TTC28: variants seen among roughly 807,000 people sequenced by gnomAD.
The protein encoded by TTC28 is tetratricopeptide repeat protein 28.
In TTC28, 61 loss-of-function variants were observed where a neutral mutation model predicts 198.0. The observed-to-expected ratio is 0.31, with a 90% CI of 0.25 to 0.38. The LOEUF (loss-of-function observed/expected upper bound fraction) is 0.38, where lower values mean the gene tolerates loss of function less well. TTC28 is among the 10% of genes least tolerant of loss of function. TTC28 has a pLI of 1.00. For missense variants in TTC28, 2,678 were observed against 3,164.0 expected (o/e 0.85, Z 3.69); for synonymous variants, 1,171 against 1,297.8 (o/e 0.90, Z 2.10).
intron 2 of TTC28, among the ~76,000 whole-genome samples, chr22:28,374,433 TAA>T (rs894511265): frequency 1.1e-4 from 16 of 152,130 alleles, no homozygotes; most frequent in Admixed American, 2.0e-4. Flanking sequence ...TGAAAAAATA[TAA>T]AGTCCATTGT....
chr22:28,194,597 G>T (rs1447894134), intron 5 of TTC28, among the ~76,000 whole-genome samples: 1 of 151,890 alleles, frequency 6.6e-6, no homozygotes, highest in Non-Finnish European at 1.5e-5. Context: ...AATGATAAAG[G>T]GGATATCACC....
At chr22:28,647,467 T>A (rs947885728) in intron 1 of TTC28, among the ~76,000 whole-genome samples, 51 of 151,964 alleles carry the variant, frequency 3.4e-4, no homozygotes, top group African/African-American at 1.2e-3. Context: ...GAAGAAGGTA[T>A]TTGCAAACTA....
At chr22:28,545,800 T>A (rs910165698) in intron 2 of TTC28, among the ~76,000 whole-genome samples, 2 of 151,854 alleles carry the variant, frequency 1.3e-5, no homozygotes, top group Non-Finnish European at 2.9e-5. Flanking sequence ...ATAAGAAAAA[T>A]TACAGAATAT....
chr22:28,677,189 T>C (rs1221017718), intron 1 of TTC28, among the ~76,000 whole-genome samples: 1 of 109,184 alleles, frequency 9.2e-6, no homozygotes. Flanking sequence ...TATATATATA[T>C]ATATATATAT....
In TTC28 at chr22:28,543,389, A is replaced by AGAAGAT. The variant is rs145747661; in HGVS notation, c.381+86157_381+86162dup. On this transcript the variant is annotated intron_variant, in intron 2 of 22. Coordinates refer to ENST00000397906, the MANE Select transcript of TTC28 (RefSeq NM_001145418.2). ...GAAGAGAAAGAATAGGAAGAAGAAA[A>AGAAGAT]GAAGATGAAGATGAAGATGAAGATG... 8.0e-3 allele frequency among the ~76,000 whole-genome samples: 1,211 copies of AGAAGAT among 151,362 alleles called. 15 individuals are homozygous for AGAAGAT. Among genetic ancestry groups the AGAAGAT allele is most frequent in the African/African-American group, 0.025 (1,044 of 41,088 alleles).
chr22:28,214,954 A>T (rs1184627641), intron 5 of TTC28, among the ~76,000 whole-genome samples: 1 of 152,176 alleles, frequency 6.6e-6, no homozygotes, highest in African/African-American at 2.4e-5. Flanking sequence ...ATGCAGCCAT[A>T]AAAAAGGATG....
intron 2 of TTC28, among the ~76,000 whole-genome samples, chr22:28,389,292 TC>T (rs2046673294): frequency 6.6e-6 from 1 of 152,092 alleles, no homozygotes; most frequent in Non-Finnish European, 1.5e-5. Context: ...AGGATATTGG[TC>T]TAAAATTCTC....
In TTC28 at chr22:28,108,390, C is replaced by T; in HGVS notation, c.1455G>A (p.Gln485=). 1 of 1,449,600 alleles carries T rather than the reference C, an allele frequency of 6.9e-7. No homozygotes were observed. The highest frequency in any genetic ancestry group is 9.1e-7 in the Non-Finnish European group (1 of 1,096,464). The allele number at this position is 1,449,600 out of a possible 1,614,324, so 89.8% of individuals were successfully genotyped here. A position where few individuals can be genotyped will look rare whatever the true frequency, so the allele number is the denominator to read the frequency against. The part of the protein sequence containing the change: ...RASSNLGIIH[Q]MKGDYDTALK... ...GTGCAGTGTCATAATCACCTTTCAT[C>T]TGGTGTATGATTCCTGAGAAAGAGA... The change falls in exon 7 of 23, where the codon CAG becomes CAA. Residue 485 remains glutamine (Q), a synonymous_variant. Coordinates refer to ENST00000397906, the MANE Select transcript of TTC28 (RefSeq NM_001145418.2).
At chr22:28,392,222 A>G (rs1305117285) in intron 2 of TTC28, among the ~76,000 whole-genome samples, 6 of 152,114 alleles carry the variant, frequency 3.9e-5, no homozygotes, top group Non-Finnish European at 8.8e-5. Flanking sequence ...GCTGCTTGCT[A>G]GGAGAACCAC....
intron 2 of TTC28, among the ~76,000 whole-genome samples, chr22:28,426,898 T>C (rs1168230373): frequency 6.6e-6 from 1 of 152,192 alleles, no homozygotes; most frequent in East Asian, 1.9e-4. Context: ...GCATCTCACT[T>C]AGAGATTCTT....
chr22:28,585,132 GT>G (rs1188773573), intron 2 of TTC28, among the ~76,000 whole-genome samples: 1 of 152,188 alleles, frequency 6.6e-6, no homozygotes, highest in Non-Finnish European at 1.5e-5. Flanking sequence ...CCAGAGACTA[GT>G]TTTGTGAAAG....
intron 12 of TTC28, among the ~76,000 whole-genome samples, chr22:28,081,114 T>G (rs1369081937): frequency 6.6e-6 from 1 of 150,600 alleles, no homozygotes; most frequent in African/African-American, 2.4e-5. Flanking sequence ...TACATATATA[T>G]TTATATATTA....
intron 2 of TTC28, among the ~76,000 whole-genome samples, chr22:28,327,975 A>T (rs2029935013): frequency 6.6e-6 from 1 of 152,240 alleles, no homozygotes; most frequent in Non-Finnish European, 1.5e-5. Context: ...AATTCAAGAG[A>T]GAAAAGATAA....
chr22:28,193,865 T>A (rs1453499471), intron 5 of TTC28, among the ~76,000 whole-genome samples: 1 of 152,116 alleles, frequency 6.6e-6, no homozygotes, highest in Non-Finnish European at 1.5e-5. Flanking sequence ...ACTGTCAACA[T>A]TAGACACATC....
chr22:28,457,888 A>C (rs192252708), intron 2 of TTC28, among the ~76,000 whole-genome samples: 11 of 152,306 alleles, frequency 7.2e-5, no homozygotes, highest in Non-Finnish European at 1.6e-4. Flanking sequence ...CTTGGGCAGA[A>C]TATATGTCCA....
intron 3 of TTC28, among the ~76,000 whole-genome samples, chr22:28,298,890 GC>G (rs1462872238): frequency 2.0e-5 from 3 of 152,122 alleles, no homozygotes; most frequent in African/African-American, 4.8e-5. Context: ...GAAACCAGTA[GC>G]CCCCGACTAG....
At chr22:28,435,181 GT>G (rs2047500783) in intron 2 of TTC28, among the ~76,000 whole-genome samples, 1 of 152,120 alleles carries the variant, frequency 6.6e-6, no homozygotes, top group Non-Finnish European at 1.5e-5. Flanking sequence ...ATAATTTTAT[GT>G]TTTTTCTTAA....
intron 12 of TTC28, among the ~76,000 whole-genome samples, chr22:28,093,785 A>G (rs1056634519): frequency 6.6e-6 from 1 of 152,224 alleles, no homozygotes; most frequent in African/African-American, 2.4e-5. Context: ...CTGGTATGTT[A>G]AATTCAAAGC....
chr22:28,573,067 A>G (rs1365335734), intron 2 of TTC28, among the ~76,000 whole-genome samples: 3 of 151,132 alleles, frequency 2.0e-5, no homozygotes, highest in Non-Finnish European at 4.4e-5. Context: ...GGTTGCAGTG[A>G]GCAGTGATTG....
Sources: gnomAD v4.1 joint callset for allele counts (sites outside exome capture counted in the v4.1 genomes callset) on GRCh38, gnomAD v4.1.1 for gene constraint, MANE v1.5 for transcripts, NCBI Gene and HGNC (gene_info 2026-07-23, HGNC 2026-07-21) for gene names.